The following FAM83G variants were observed in gnomAD, a reference collection of about 807,000 sequenced individuals.
FAM83G encodes the protein protein FAM83G.
Under a neutral mutation model 61.5 loss-of-function variants are expected in FAM83G, and 38 were observed. The observed-to-expected ratio is 0.62, with a 90% CI of 0.48 to 0.81. The LOEUF is 0.81. FAM83G is among the 30% of genes least tolerant of loss of function. The probability of loss-of-function intolerance (pLI) is 0.00; values close to 1 mark genes in which losing one functional copy is unlikely to be tolerated. For missense variants in FAM83G, 989 were observed against 1,133.6 expected (o/e 0.87, Z 1.83); for synonymous variants, 470 against 476.1 (o/e 0.99, Z 0.17).
chr17:18,980,441 A>G (rs116306570), intron 3 of FAM83G, among the ~76,000 whole-genome samples: 1,835 of 152,240 alleles, frequency 0.012, 34 homozygotes, highest in African/African-American at 0.041. Context: ...CTTGGGCATG[A>G]GGAGCACAGC....
rs185732066 is a variant in FAM83G, at chr17:18,977,404, C to T, written c.2082+180G>A. On this transcript the variant is annotated intron_variant, in intron 5 of 5. Coordinates refer to ENST00000388995, the MANE Select transcript of FAM83G (RefSeq NM_001039999.3). ...AAGAGTCCCCAGCATTAATGATGGC[C>T]TTCCATATGGCCCTGGCCGGTTCCC... 79 of 643,874 alleles carry T rather than the reference C, an allele frequency of 1.2e-4. No individual in the cohort carries two copies. The African/African-American group carries it at 1.3e-3, about 11-fold the overall frequency. The allele number at this position is 643,874 out of a possible 1,614,324, so 39.9% of individuals were successfully genotyped here.
At chr17:19,001,769 C>T (rs1210381436) in intron 2 of FAM83G, among the ~76,000 whole-genome samples, 1 of 152,130 alleles carries the variant, frequency 6.6e-6, no homozygotes, top group East Asian at 1.9e-4. Context: ...AAGTCCTGGC[C>T]CTGGGAGCCC....
intron 2 of FAM83G, 106 bp from the exon 3 acceptor site, chr17:18,988,520 GC>G: frequency 6.6e-7 from 1 of 1,524,838 alleles, no homozygotes; most frequent in Non-Finnish European, 8.9e-7. Flanking sequence ...TCTCACAGGT[GC>G]CCACTCTGGC....
intron 4 of FAM83G, 48 bp from the exon 5 acceptor site, chr17:18,978,898 T>C: frequency 6.3e-7 from 1 of 1,594,112 alleles, no homozygotes; most frequent in African/African-American, 1.3e-5. Flanking sequence ...CCCTGCTTCC[T>C]CCGCCCAGCC....
At chr17:18,986,414 T>G (rs1255238338) in intron 3 of FAM83G, 1 of 152,254 alleles carries the variant, frequency 6.6e-6, no homozygotes, top group Non-Finnish European at 1.5e-5. Context: ...AGAGCTGATT[T>G]GTCACTATTG....
chr17:18,985,068 C>T (rs942836889), intron 3 of FAM83G, among the ~76,000 whole-genome samples: 3 of 152,150 alleles, frequency 2.0e-5, no homozygotes, highest in African/African-American at 7.2e-5. Flanking sequence ...AGGAAGGAGC[C>T]GAGTGAGGGT....
rs2042770769 is a variant in FAM83G, at chr17:18,969,028, A to G, written c.*2331T>C. 1.2e-6 allele frequency: 2 copies of G among 1,602,422 alleles called. No individual in the cohort carries two copies. Among genetic ancestry groups the G allele is most frequent in the South Asian group, 1.1e-5 (1 of 88,754 alleles). The stretch of plus-strand genomic sequence containing the variant: ...CTGGAGCCCTGGGAATAACAGTCCC[A>G]CACAAGGCTCTCTCCCTCCGCAGCT... On this transcript the variant is annotated 3_prime_UTR_variant, in exon 6 of 6. Coordinates refer to ENST00000388995, the MANE Select transcript of FAM83G (RefSeq NM_001039999.3).
chr17:18,994,476 C>G (rs2043512923), intron 2 of FAM83G, among the ~76,000 whole-genome samples: 1 of 152,132 alleles, frequency 6.6e-6, no homozygotes, highest in East Asian at 1.9e-4. Context: ...GCAGAGGGTC[C>G]CCTGGAGTCT....
rs145087730 is a variant in FAM83G, at chr17:18,975,273, G to T, written c.2082+2311C>A. ...CAGGAAGGACAGCAGCTTGCCCTGC[G>T]TTCGGAGGCTGCAGCCCGCAGGCAT... On this transcript the variant is annotated intron_variant, in intron 5 of 5. Transcript: ENST00000388995. Among the ~76,000 whole-genome samples, 63 of 152,330 alleles carry T rather than the reference G, an allele frequency of 4.1e-4. 1 individual carries two copies. The East Asian group carries it at 0.01, about 25-fold the overall frequency.
chr17:18,984,773 G>A (rs1006362702), intron 3 of FAM83G, among the ~76,000 whole-genome samples: 1 of 152,198 alleles, frequency 6.6e-6, no homozygotes, highest in Non-Finnish European at 1.5e-5. Context: ...CAAGTCATGC[G>A]GCCTGGCCCT....
intron 3 of FAM83G, among the ~76,000 whole-genome samples, chr17:18,981,963 T>C (rs964805961): frequency 1.3e-5 from 2 of 152,132 alleles, no homozygotes; most frequent in African/African-American, 2.4e-5. Flanking sequence ...CTCCACCGCC[T>C]CCTGCAGGCT....
chr17:18,977,598 C>A lies in FAM83G; in HGVS notation c.2068G>T (p.Asp690Tyr), dbSNP rs2043011674. ...CCCTGACCCACCTGTGCCTCCTTGT[C>A]TGTGGAGCGCTGGGCCTGCATCCTC... ...LKRMQAQRST[D>Y]KEAQGQQFHH... The change falls in exon 5 of 6, where the codon GAC (aspartate) becomes TAC (tyrosine). Residue 690 changes from aspartate to tyrosine, a missense_variant. Asp to Tyr is a radical substitution (Grantham distance 160). Transcript: ENST00000388995. 6.2e-7 allele frequency: 1 copy of A among 1,608,472 alleles called. No individual in the cohort carries two copies. The highest frequency in any genetic ancestry group is 1.3e-5 in the African/African-American group (1 of 74,932).
In FAM83G at chr17:18,978,022, G is replaced by C; in HGVS notation, c.1644C>G (p.Gly548=). 1 of 1,544,248 alleles carries C rather than the reference G, an allele frequency of 6.5e-7. No homozygotes were observed. Among genetic ancestry groups the C allele is most frequent in the Non-Finnish European group, 8.7e-7 (1 of 1,146,220 alleles). ...GCCGCTGGAGTGGGGCGTGGCCTGG[G>C]CCTGCCATCCTGGGTAGCCTATGGT... The part of the protein sequence containing the change: ...GTDHRLPRMA[G]PGHAPLQRQL... Residue 548 remains glycine, a synonymous_variant, in exon 5 of 6, where the codon GGC becomes GGG. Transcript: ENST00000388995.
rs753602380 is a variant in FAM83G at position 19,003,919 on chromosome 17, G to A, written c.123C>T (p.Arg41=). The A allele has an allele frequency of 2.4e-5, 38 of 1,612,846 alleles. No individual in the cohort carries two copies. The Admixed American group carries it at 6.2e-4, about 26-fold the overall frequency. The change falls in exon 2 of 6, where the codon CGC becomes CGT. Residue 41 remains arginine, a synonymous_variant. Coordinates refer to ENST00000388995, the MANE Select transcript of FAM83G (RefSeq NM_001039999.3). The surrounding 1 kb of genome is among the most constrained non-coding windows in gnomAD (Gnocchi z 4.5). ...QRLALEALVA[R]GRDAFYEVLK... ...GCACCTCGTAGAAGGCGTCCCGGCC[G>A]CGGGCCACCAGGGCCTCCAGCGCCA... is the stretch of plus-strand genomic sequence containing the variant.
intron 3 of FAM83G, among the ~76,000 whole-genome samples, chr17:18,985,652 C>A (rs1247177840): frequency 6.6e-6 from 1 of 152,222 alleles, no homozygotes; most frequent in African/African-American, 2.4e-5. Flanking sequence ...CTCTGGCCAC[C>A]CGCCCAGGGC....
Position 19,003,615 on chromosome 17 carries a change from C to T in FAM83G, c.427G>A (p.Gly143Ser). The stretch of plus-strand genomic sequence containing the variant: ...ATGTAGACGCTAGCCCGGGTCACGC[C>T]GCGGTAGGCGATGGTGTCGGGCCAG... ...LGWPDTIAYRGVTRASVYMQP... is the reference protein window; with the variant it reads ...LGWPDTIAYRSVTRASVYMQP... Residue 143 changes from glycine (G) to serine (S), a missense_variant, in exon 2 of 6, where the codon GGC (glycine) becomes AGC (serine). This residue lies in a region of FAM83G where 371 missense variants were observed against 404.5 expected (regional missense o/e 0.92). Transcript: ENST00000388995. This position sits in a 1 kb window ranked among gnomAD's most constrained non-coding sequence, Gnocchi z 4.5. 3 of 1,611,900 alleles carry T rather than the reference C, an allele frequency of 1.9e-6. No individual in the cohort carries two copies. The highest frequency in any genetic ancestry group is 2.5e-6 in the Non-Finnish European group (3 of 1,179,276).
Position 18,978,255 on chromosome 17 carries a change from G to A in FAM83G, c.1411C>T (p.Arg471Cys), listed in dbSNP as rs773937610. 9 of 1,604,214 alleles carry A rather than the reference G, an allele frequency of 5.6e-6. No homozygotes were observed. Among genetic ancestry groups the A allele is most frequent in the Middle Eastern group, 1.7e-4 (1 of 6,028 alleles). The change falls in exon 5 of 6, where the codon CGT becomes TGT. Residue 471 changes from arginine to cysteine, a missense_variant. Coordinates refer to ENST00000388995, the MANE Select transcript of FAM83G (RefSeq NM_001039999.3). ...TCTGGGGGAGGGCAAGGCTCTGGAC[G>A]GGGCCTGCTGTCCTGGCTCTGCTTC... is the stretch of plus-strand genomic sequence containing the variant. ...LWKQSQDSRP[R>C]PEPCPPPEPS...
chr17:19,004,092 C>G lies in FAM83G; in HGVS notation c.-51G>C. 1 of 1,521,852 alleles carries G rather than the reference C, an allele frequency of 6.6e-7. No individual in the cohort carries two copies. 94.3% of individuals were successfully genotyped at this position (1,521,852 alleles called of 1,614,324 possible). A position where few individuals can be genotyped will look rare whatever the true frequency, so the allele number is the denominator to read the frequency against. On this transcript the variant is annotated 5_prime_UTR_variant, in exon 2 of 6. Coordinates refer to ENST00000388995, the MANE Select transcript of FAM83G (RefSeq NM_001039999.3). This position sits in a 1 kb window ranked among gnomAD's most constrained non-coding sequence, Gnocchi z 5.4. The stretch of plus-strand genomic sequence containing the variant: ...CCGGGGGTGGGTGGGCAAGGTCCAG[C>G]TCCTAGCTCCGGCCCAGCTGGGGCA...
rs772149780 is a variant in FAM83G at position 18,978,716 on chromosome 17, A to G, written c.950T>C (p.Met317Thr). The G allele has an allele frequency of 1.2e-6, 2 of 1,612,920 alleles. No homozygotes were observed. The highest frequency in any genetic ancestry group is 2.2e-5 in the East Asian group (1 of 44,872). ...AGGCTCCGGCTCCGGTTCCTTCTCC[A>G]TAGGGATGCCCTTGAGGCTCACACT... ...SHSVSLKGIP[M>T]EKEPEPEPIV... Residue 317 changes from methionine to threonine, a missense_variant, in exon 5 of 6, where the codon ATG becomes ACG. Met to Thr is a moderately conservative substitution (Grantham distance 81). Transcript: ENST00000388995.
Sources: gnomAD v4.1 joint callset for allele counts (sites outside exome capture counted in the v4.1 genomes callset) on GRCh38, gnomAD v4.1.1 for gene constraint, gnomAD v4.1.1 regional missense constraint, Gnocchi (gnomAD v3.1) non-coding constraint, MANE v1.5 for transcripts, NCBI Gene and HGNC (gene_info 2026-07-23, HGNC 2026-07-21) for gene names.